The following PTPRD variants were observed in gnomAD, a reference collection of about 807,000 sequenced individuals.
The protein encoded by PTPRD is receptor-type tyrosine-protein phosphatase delta.
In PTPRD, 34 loss-of-function variants were observed where a neutral mutation model predicts 214.5. That is an observed-to-expected ratio of 0.16 (90% CI 0.12 to 0.21). The LOEUF is 0.21. Ranked by LOEUF, PTPRD falls within the 10% of genes least tolerant of loss-of-function variation. PTPRD has a pLI of 1.00. For missense variants in PTPRD, 2,545 were observed against 2,398.7 expected (o/e 1.06, Z -1.27); for synonymous variants, 1,128 against 845.7 (o/e 1.33, Z -5.79).
intron 3 of PTPRD, among the ~76,000 whole-genome samples, chr9:10,148,372 T>C (rs1287421371): frequency 6.6e-6 from 1 of 152,202 alleles, no homozygotes; most frequent in African/African-American, 2.4e-5. Flanking sequence ...ATGCTAAGTG[T>C]TGGAACAAAG....
intron 11 of PTPRD, among the ~76,000 whole-genome samples, chr9:8,971,847 A>T (rs1162036013): frequency 6.6e-6 from 1 of 151,714 alleles, no homozygotes; most frequent in Non-Finnish European, 1.5e-5. Flanking sequence ...ATAAGGCCAG[A>T]AGAATAAGCC....
chr9:10,461,493 T>C (rs2131303882), intron 2 of PTPRD, among the ~76,000 whole-genome samples: 2 of 152,190 alleles, frequency 1.3e-5, no homozygotes, highest in Middle Eastern at 6.8e-3. Context: ...TTATGAACAT[T>C]ATTCAGCCTT....
chr9:9,693,395 A>C (rs1245882596), intron 7 of PTPRD, among the ~76,000 whole-genome samples: 7 of 152,058 alleles, frequency 4.6e-5, no homozygotes, highest in African/African-American at 1.7e-4. Context: ...ACACTCTCTC[A>C]CCTGCTGCCA....
intron 2 of PTPRD, among the ~76,000 whole-genome samples, chr9:10,552,657 A>C (rs1176939250): frequency 6.6e-6 from 1 of 152,200 alleles, no homozygotes; most frequent in East Asian, 1.9e-4. Flanking sequence ...GTCAAAAAAT[A>C]ACATATCTGA....
intron 5 of PTPRD, among the ~76,000 whole-genome samples, chr9:9,901,966 C>A (rs2076506571): frequency 6.6e-6 from 1 of 152,182 alleles, no homozygotes. Context: ...ATTGTATGAT[C>A]TGTAATTTTC....
intron 5 of PTPRD, among the ~76,000 whole-genome samples, chr9:9,778,154 G>A (rs1013282556): frequency 2.6e-5 from 4 of 152,160 alleles, no homozygotes; most frequent in Non-Finnish European, 4.4e-5. Context: ...TGTGGTGGAT[G>A]GAGAGGTGAC....
intron 5 of PTPRD, among the ~76,000 whole-genome samples, chr9:9,914,338 G>C (rs1301869822): frequency 6.6e-6 from 1 of 152,110 alleles, no homozygotes; most frequent in African/African-American, 2.4e-5. Flanking sequence ...TCCCCTAGTG[G>C]GCACACCCAT....
chr9:10,140,253 C>T (rs903918818), intron 3 of PTPRD, among the ~76,000 whole-genome samples: 3 of 151,344 alleles, frequency 2.0e-5, no homozygotes, highest in Non-Finnish European at 4.4e-5. Context: ...ACAAATAACC[C>T]CATGAAAAAG....
chr9:8,337,866 G>C (rs1848512552), intron 43 of PTPRD, among the ~76,000 whole-genome samples: 1 of 147,486 alleles, frequency 6.8e-6, no homozygotes. Flanking sequence ...AATTCTGAAA[G>C]AGCACTATTT....
At chr9:10,131,330 C>T (rs550954662) in intron 3 of PTPRD, among the ~76,000 whole-genome samples, 85 of 152,118 alleles carry the variant, frequency 5.6e-4, no homozygotes, top group African/African-American at 2.0e-3. Flanking sequence ...CATCCTTCTC[C>T]GTAGAATGGG....
Position 8,482,793 on chromosome 9 carries a change from C to A in PTPRD, c.3413+1326G>T, listed in dbSNP as rs1045160927. On this transcript the variant is annotated intron_variant, in intron 30 of 45. Coordinates refer to ENST00000381196, the MANE Select transcript of PTPRD (RefSeq NM_002839.4). ...TGTGGCCAGGCGCTCTGGGATCCAG[C>A]CGTATGGCACCACTGGGTGCCTTTA... Among the ~76,000 whole-genome samples the A allele has an allele frequency of 2.6e-5, 4 of 152,178 alleles. No homozygotes were observed. In the East Asian group the frequency reaches 7.7e-4, roughly 29 times the overall value.
intron 8 of PTPRD, among the ~76,000 whole-genome samples, chr9:9,536,279 A>G (rs2076507974): frequency 6.6e-6 from 1 of 152,006 alleles, no homozygotes; most frequent in Admixed American, 6.6e-5. Flanking sequence ...GTGCTTGGCT[A>G]AAGATTAGCA....
intron 14 of PTPRD, among the ~76,000 whole-genome samples, chr9:8,601,492 A>G (rs2094859838): frequency 6.6e-6 from 1 of 152,214 alleles, no homozygotes; most frequent in East Asian, 1.9e-4. Flanking sequence ...TGATGGCCAC[A>G]GGGTTTTTTC....
intron 10 of PTPRD, among the ~76,000 whole-genome samples, chr9:9,155,394 T>C (rs892661076): frequency 4.6e-5 from 7 of 152,046 alleles, no homozygotes; most frequent in Admixed American, 4.6e-4. Context: ...TGCTTACACT[T>C]GAGGGAGGGG....
chr9:9,965,461 G>T (rs1008165899), intron 4 of PTPRD, among the ~76,000 whole-genome samples: 3 of 152,144 alleles, frequency 2.0e-5, no homozygotes, highest in Admixed American at 6.5e-5. Context: ...ACTTGTCGGG[G>T]ACAGGAGATA....
chr9:9,275,645 G>A (rs1039181835), intron 9 of PTPRD, among the ~76,000 whole-genome samples: 3 of 151,154 alleles, frequency 2.0e-5, no homozygotes, highest in African/African-American at 7.3e-5. Flanking sequence ...AAGGGCTGCT[G>A]CCCCCAGAAT....
intron 3 of PTPRD, among the ~76,000 whole-genome samples, chr9:10,166,497 C>T (rs1025517433): frequency 4.0e-5 from 6 of 151,792 alleles, no homozygotes; most frequent in Non-Finnish European, 5.9e-5. Context: ...ATTCATCAAC[C>T]GCACAACCCT....
intron 4 of PTPRD, among the ~76,000 whole-genome samples, chr9:9,996,313 C>T (rs971977562): frequency 2.6e-5 from 4 of 151,902 alleles, no homozygotes; most frequent in Non-Finnish European, 4.4e-5. Context: ...TCTCAGAAGA[C>T]AAAATAGTAA....
chr9:9,581,169 C>A (rs1226217318), intron 7 of PTPRD, among the ~76,000 whole-genome samples: 7 of 152,064 alleles, frequency 4.6e-5, no homozygotes, highest in Non-Finnish European at 1.5e-5. Context: ...TCTTACAACT[C>A]TAATAAATTA....
Sources: allele counts gnomAD v4.1 joint callset (sites outside exome capture counted in the v4.1 genomes callset), GRCh38; gene constraint gnomAD v4.1.1; transcripts MANE v1.5; gene names NCBI Gene and HGNC (gene_info 2026-07-23, HGNC 2026-07-21).